DEPDC5: variants seen among roughly 807,000 people sequenced by gnomAD.
DEPDC5 encodes the protein GATOR1 complex protein DEPDC5.
In DEPDC5, 73 loss-of-function variants were observed where a neutral mutation model predicts 217.3. The observed-to-expected ratio is 0.34, with a 90% CI of 0.28 to 0.41. DEPDC5 has a LOEUF of 0.41. DEPDC5 is among the 10% of genes least tolerant of loss of function. DEPDC5 has a pLI of 1.00. For synonymous variants in DEPDC5, 733 were observed against 756.7 expected, an observed-to-expected ratio of 0.97 and a Z score of 0.51; for missense variants, 1,675 against 2,070.1, an observed-to-expected ratio of 0.81 and a Z score of 3.70.
rs553351865 is a variant in DEPDC5, at chr22:31,778,004, T to C, written c.414-95T>C. The stretch of plus-strand genomic sequence containing the variant: ...CTCAGGTAATTCGCCCGCCTTGGCT[T>C]CCCAAAGTGCTGGGATTACAGGCGT... On this transcript the variant is annotated intron_variant, in intron 7 of 42. Transcript: ENST00000651528. 6,222 of 1,410,334 alleles carry C rather than the reference T, an allele frequency of 4.4e-3. 23 individuals are homozygous for C. Among genetic ancestry groups the C allele is most frequent in the Non-Finnish European group, 5.8e-3 (5,743 of 997,674 alleles). 87.4% of individuals were successfully genotyped at this position (1,410,334 alleles called of 1,614,324 possible).
At chr22:31,793,690 C>T (rs1212630702) in intron 12 of DEPDC5, among the ~76,000 whole-genome samples, 1 of 152,080 alleles carries the variant, frequency 6.6e-6, no homozygotes, top group East Asian at 1.9e-4. Flanking sequence ...GTTTCTCAGC[C>T]TCCCGAGTAG....
intron 5 of DEPDC5, among the ~76,000 whole-genome samples, chr22:31,766,344 C>T (rs1040691002): frequency 6.6e-6 from 1 of 152,128 alleles, no homozygotes; most frequent in African/African-American, 2.4e-5. Flanking sequence ...AATGAGTCCC[C>T]CACTACCCAT....
intron 26 of DEPDC5, 98 bp from the exon 27 acceptor site, chr22:31,838,587 A>G (rs2091194407): frequency 6.7e-7 from 1 of 1,494,046 alleles, no homozygotes; most frequent in East Asian, 2.3e-5. Flanking sequence ...TAGAATGGTT[A>G]TAAGGGGATG....
At chr22:31,833,027 A>G (rs2090717948) in intron 24 of DEPDC5, among the ~76,000 whole-genome samples, 1 of 152,186 alleles carries the variant, frequency 6.6e-6, no homozygotes, top group Non-Finnish European at 1.5e-5. Context: ...TTGAATGTTT[A>G]GTGAGCATCT....
chr22:31,879,567 T>C lies in DEPDC5; in HGVS notation c.3848T>C (p.Val1283Ala), dbSNP rs2093118958. 1 of 1,612,698 alleles carries C rather than the reference T, an allele frequency of 6.2e-7. No homozygotes were observed. Among genetic ancestry groups the C allele is most frequent in the Non-Finnish European group, 8.5e-7 (1 of 1,179,976 alleles). ...GCCACCACCTGGCACACAGCAGGAG[T>C]GGACGACTTCGCCAGCTTCCAGCGC... ...QPATTWHTAG[V>A]DDFASFQRKW... Residue 1283 changes from valine to alanine, a missense_variant, in exon 38 of 43, where the codon GTG becomes GCG. This residue lies in a region of DEPDC5 where 194 missense variants were observed against 199.3 expected (regional missense o/e 0.97). Transcript: ENST00000651528.
chr22:31,842,912 G>GA (rs2091484098), intron 27 of DEPDC5, among the ~76,000 whole-genome samples, 183 bp from the exon 28 acceptor site: 2 of 152,138 alleles, frequency 1.3e-5, no homozygotes, highest in Admixed American at 1.3e-4. Flanking sequence ...TTTAATAACA[G>GA]AAAAATCTGC....
rs1305158208 is a variant in DEPDC5, at chr22:31,857,620, A to G, written c.3264+67A>G. 4 of 1,347,144 alleles carry G rather than the reference A, an allele frequency of 3.0e-6. No homozygotes were observed. The African/African-American group carries it at 4.3e-5, about 15-fold the overall frequency. 83.4% of individuals were successfully genotyped at this position (1,347,144 alleles called of 1,614,324 possible). A position where few individuals can be genotyped will look rare whatever the true frequency, so the allele number is the denominator to read the frequency against. ...AGAGACTCAGTGTGGAGGGTAAAAC[A>G]GATCGCCCTTCAGATCCGGGATTGC... On this transcript the variant is annotated intron_variant, in intron 32 of 42. Coordinates refer to ENST00000651528, the MANE Select transcript of DEPDC5 (RefSeq NM_001242896.3).
chr22:31,840,267 G>A (rs564447790), intron 27 of DEPDC5, among the ~76,000 whole-genome samples: 11 of 152,222 alleles, frequency 7.2e-5, no homozygotes, highest in African/African-American at 2.4e-4. Context: ...TACCAGGAGC[G>A]GCAGGTTGGA....
rs368571578 is a variant in DEPDC5 at position 31,792,761 on chromosome 22, A to C, written c.711A>C (p.Ile237=). The C allele has an allele frequency of 2.7e-4, 424 of 1,550,056 alleles. No individual in the cohort carries two copies. The highest frequency in any genetic ancestry group is 3.5e-4 in the Non-Finnish European group (409 of 1,158,106). The change falls in exon 12 of 43, where the codon ATA becomes ATC. Residue 237 remains isoleucine (I), a synonymous_variant. Coordinates refer to ENST00000651528, the MANE Select transcript of DEPDC5 (RefSeq NM_001242896.3). ...CTATTTCAGATGAATTTCCTGAAAT[A>C]AACCGAGCCTCAATTCGACAGGATC... ...DAKSVDEFPE[I]NRASIRQDHK... is the part of the protein sequence containing the mutation.
At chr22:31,867,737 C>CA (rs1009046134) in intron 33 of DEPDC5, among the ~76,000 whole-genome samples, 1 of 152,130 alleles carries the variant, frequency 6.6e-6, no homozygotes, top group Non-Finnish European at 1.5e-5. Flanking sequence ...TGGTCTCTTG[C>CA]AAAAAATGTT....
At chr22:31,861,323 C>G (rs1301349458) in intron 32 of DEPDC5, 45 bp from the exon 33 acceptor site, 1 of 1,543,452 alleles carries the variant, frequency 6.5e-7, no homozygotes, top group South Asian at 1.2e-5. Flanking sequence ...CGTTTCTTCG[C>G]TTCCTTGCAA....
rs899737187 is a variant in DEPDC5 at position 31,863,981 on chromosome 22, A to C, written c.3330+2548A>C. 6.6e-5 allele frequency among the ~76,000 whole-genome samples: 10 copies of C among 152,274 alleles called. No individual in the cohort carries two copies. The South Asian group carries it at 2.1e-3, about 32-fold the overall frequency. ...TAAGAGCTCATTATACATACACAAA[A>C]TTAAATTGTACCTTATGTTTATTTA... On this transcript the variant is annotated intron_variant, in intron 33 of 42. Coordinates refer to ENST00000651528, the MANE Select transcript of DEPDC5 (RefSeq NM_001242896.3).
At chr22:31,769,976 A>G (rs1271222371) in intron 7 of DEPDC5, among the ~76,000 whole-genome samples, 2 of 151,644 alleles carry the variant, frequency 1.3e-5, no homozygotes, top group African/African-American at 4.8e-5. Flanking sequence ...CTGTAATCTC[A>G]GCACTTTGAG....
At chr22:31,762,432 G>A (rs1360406333) in intron 4 of DEPDC5, among the ~76,000 whole-genome samples, 1 of 152,130 alleles carries the variant, frequency 6.6e-6, no homozygotes, top group African/African-American at 2.4e-5. Flanking sequence ...CTTTTAAATA[G>A]TTCTTAAGAG....
intron 20 of DEPDC5, 80 bp downstream of exon 20, chr22:31,810,721 G>T: frequency 6.4e-7 from 1 of 1,555,092 alleles, no homozygotes; most frequent in Non-Finnish European, 8.7e-7. Context: ...CTCTAAGAGA[G>T]CAACCTTGAA....
intron 3 of DEPDC5, 38 bp from the exon 4 acceptor site, chr22:31,760,618 T>A: frequency 6.3e-7 from 1 of 1,597,996 alleles, no homozygotes; most frequent in Non-Finnish European, 8.5e-7. Context: ...GAGTTACTGT[T>A]CACGGTATCC....
intron 33 of DEPDC5, among the ~76,000 whole-genome samples, chr22:31,868,151 T>A (rs1381052016): frequency 6.6e-6 from 1 of 152,180 alleles, no homozygotes; most frequent in South Asian, 2.1e-4. Flanking sequence ...GTTATTTTTT[T>A]AACAAATCAT....
At chr22:31,892,668 A>G (rs188829151) in intron 38 of DEPDC5, among the ~76,000 whole-genome samples, 65 of 152,232 alleles carry the variant, frequency 4.3e-4, no homozygotes, top group African/African-American at 1.3e-3. Flanking sequence ...CGGGTGACAT[A>G]GTGAGACTCC....
intron 20 of DEPDC5, among the ~76,000 whole-genome samples, chr22:31,813,437 T>G (rs1358224555): frequency 1.3e-5 from 2 of 152,194 alleles, no homozygotes; most frequent in Non-Finnish European, 2.9e-5. Context: ...AAATATTTAC[T>G]GTGGAAAGAA....
Sources: gnomAD v4.1 joint callset for allele counts (sites outside exome capture counted in the v4.1 genomes callset) on GRCh38, gnomAD v4.1.1 for gene constraint, gnomAD v4.1.1 regional missense constraint, MANE v1.5 for transcripts, NCBI Gene and HGNC (gene_info 2026-07-23, HGNC 2026-07-21) for gene names.